The following CFAP47 variants were observed in gnomAD, a reference collection of about 807,000 sequenced individuals.
CFAP47 encodes the protein cilia- and flagella-associated protein 47.
CFAP47 carries 29 observed loss-of-function variants against 148.1 expected under a neutral mutation model. The observed-to-expected ratio is 0.20, with a 90% CI of 0.15 to 0.27. The LOEUF is 0.27. Among genes scored for constraint, CFAP47 ranks in the 10% least tolerant of loss-of-function variants. The probability of loss-of-function intolerance (pLI) is 1.00; values close to 1 mark genes in which losing one functional copy is unlikely to be tolerated. For synonymous variants in CFAP47, 664 were observed against 577.3 expected, an observed-to-expected ratio of 1.15 and a Z score of -2.15; for missense variants, 1,872 against 1,697.5, an observed-to-expected ratio of 1.10 and a Z score of -1.81.
Position 35,998,816 on chromosome X carries a change from TCC to T in CFAP47, c.3177+1428_3177+1429del, listed in dbSNP as rs1936879166. The stretch of plus-strand genomic sequence containing the variant: ...GTTTTTTGCATTACTATGGCATCCT[TCC>T]TTGAAAAATATTAGATAATATTGAG... On this transcript the variant is annotated intron_variant, in intron 19 of 63. Coordinates refer to ENST00000378653, the MANE Select transcript of CFAP47 (RefSeq NM_001304548.2). 2.7e-5 allele frequency among the ~76,000 whole-genome samples: 3 copies of T among 111,719 alleles called. No homozygotes were observed. The South Asian group carries it at 1.1e-3, about 41-fold the overall frequency.
At chrX:36,300,105 A>C (rs1479612183) in intron 52 of CFAP47, among the ~76,000 whole-genome samples, 1 of 110,709 alleles carries the variant, frequency 9.0e-6, no homozygotes, top group Non-Finnish European at 1.9e-5. Context: ...CTGTCTGCCT[A>C]CTCTGTTATC....
intron 32 of CFAP47, 32 bp downstream of exon 32, chrX:36,099,911 T>C (rs774810894): frequency 1.3e-6 from 1 of 763,586 alleles, no homozygotes; most frequent in Non-Finnish European, 2.0e-6. Context: ...GCTGCTTCTC[T>C]GTTGATTAAT....
intron 29 of CFAP47, among the ~76,000 whole-genome samples, chrX:36,075,431 T>C: frequency 9.0e-6 from 1 of 111,145 alleles, no homozygotes; most frequent in Non-Finnish European, 1.9e-5. Context: ...TTTCACTATG[T>C]TGGCCAGGCT....
At chrX:36,063,591 C>G (rs1363203620) in intron 26 of CFAP47, among the ~76,000 whole-genome samples, 2 of 111,712 alleles carry the variant, frequency 1.8e-5, no homozygotes, top group African/African-American at 6.5e-5. Flanking sequence ...CCACTTCATT[C>G]TTGGAATAAA....
chrX:36,059,383 G>C (rs911726443), intron 26 of CFAP47, among the ~76,000 whole-genome samples: 2 of 111,615 alleles, frequency 1.8e-5, no homozygotes, highest in Non-Finnish European at 3.8e-5. Context: ...GTTCCATCAG[G>C]CTGCAAATAT....
At chrX:35,923,704 C>CAGCTAAT (rs1165172966) in intron 1 of CFAP47, among the ~76,000 whole-genome samples, 6 of 108,738 alleles carry the variant, frequency 5.5e-5, no homozygotes, top group African/African-American at 2.0e-4. Flanking sequence ...CCTGTAGTCC[C>CAGCTAAT]AGCTACTCAG....
chrX:36,355,965 T>C (rs1443662740), intron 60 of CFAP47, among the ~76,000 whole-genome samples: 2 of 111,730 alleles, frequency 1.8e-5, no homozygotes, highest in African/African-American at 3.3e-5. Flanking sequence ...TCTTGTCAGG[T>C]TGTAAACTAA....
At chrX:36,242,856 C>T (rs1369836313) in intron 48 of CFAP47, among the ~76,000 whole-genome samples, 1 of 111,415 alleles carries the variant, frequency 9.0e-6, no homozygotes, top group African/African-American at 3.3e-5. Context: ...TACAAGACAA[C>T]TATCCCAAAG....
chrX:36,129,030 T>A (rs981191616), intron 33 of CFAP47, among the ~76,000 whole-genome samples: 1 of 110,159 alleles, frequency 9.1e-6, no homozygotes, highest in African/African-American at 3.3e-5. Context: ...TCTGTGTTAG[T>A]GATATTTCTT....
intron 57 of CFAP47, among the ~76,000 whole-genome samples, chrX:36,327,270 G>GC (rs1941524655): frequency 9.0e-6 from 1 of 111,135 alleles, no homozygotes; most frequent in African/African-American, 3.3e-5. Flanking sequence ...AAATCAACAA[G>GC]CCAAAAACAA....
At chrX:36,205,747 ACCTT>A (rs1286358871) in intron 45 of CFAP47, among the ~76,000 whole-genome samples, 3 of 112,203 alleles carry the variant, frequency 2.7e-5, no homozygotes, top group Non-Finnish European at 5.6e-5. Flanking sequence ...ATTCAAAATT[ACCTT>A]TCTTTTTCAT....
chrX:36,179,647 T>A (rs1361787772), intron 40 of CFAP47, among the ~76,000 whole-genome samples: 1 of 111,969 alleles, frequency 8.9e-6, no homozygotes, highest in African/African-American at 3.2e-5. Context: ...TTTTCATTAT[T>A]TGTGGTAGTT....
At chrX:36,019,223 A>G (rs1937131047) in intron 22 of CFAP47, among the ~76,000 whole-genome samples, 1 of 111,617 alleles carries the variant, frequency 9.0e-6, no homozygotes, top group South Asian at 3.8e-4. Flanking sequence ...GAGTCCTGTA[A>G]ACAGTTAAGA....
At chrX:36,258,693 C>T (rs1793015231) in intron 49 of CFAP47, among the ~76,000 whole-genome samples, 1 of 111,824 alleles carries the variant, frequency 8.9e-6, no homozygotes, top group Admixed American at 9.5e-5. Context: ...TTCCATGTTG[C>T]ATAAATAAAA....
rs1211942376 is a variant in CFAP47 at position 36,039,055 on chromosome X, C to T, written c.3883C>T (p.His1295Tyr). ...TATTCCAGTTTGCTATAAAATATTA[C>T]ATCTTACTGGGGAAGTAAAATCACC... is the stretch of plus-strand genomic sequence containing the variant. ...NYIPVCYKIL[H>Y]LTGEVKSPEL... Residue 1295 changes from histidine (H) to tyrosine (Y), a missense_variant, in exon 25 of 64, where the codon CAT becomes TAT. By Grantham distance (83) the His-to-Tyr change is moderately conservative. Coordinates refer to ENST00000378653, the MANE Select transcript of CFAP47 (RefSeq NM_001304548.2). 2.7e-6 allele frequency: 3 copies of T among 1,123,451 alleles called. No individual in the cohort carries two copies. The highest frequency in any genetic ancestry group is 6.6e-5 in the East Asian group (2 of 30,151). 92.6% of individuals were successfully genotyped at this position (1,123,451 alleles called of 1,213,427 possible).
chrX:36,252,416 C>T (rs782305699), intron 49 of CFAP47, among the ~76,000 whole-genome samples: 5 of 110,408 alleles, frequency 4.5e-5, no homozygotes, highest in African/African-American at 6.6e-5. Flanking sequence ...ATTATTACCA[C>T]TGTAATAGAA....
intron 26 of CFAP47, among the ~76,000 whole-genome samples, chrX:36,048,461 G>T (rs1467276258): frequency 1.8e-5 from 2 of 111,539 alleles, no homozygotes; most frequent in Admixed American, 1.9e-4. Flanking sequence ...CTTTTACTTT[G>T]TAAGATTCTT....
chrX:35,946,385 A>C (rs1936085735), intron 3 of CFAP47, among the ~76,000 whole-genome samples: 1 of 111,963 alleles, frequency 8.9e-6, no homozygotes, highest in Admixed American at 9.5e-5. Flanking sequence ...ATATTCACTT[A>C]AACTCTTTTG....
chrX:36,168,579 T>G (rs1410845194), intron 39 of CFAP47, among the ~76,000 whole-genome samples: 2 of 111,877 alleles, frequency 1.8e-5, no homozygotes, highest in Non-Finnish European at 3.8e-5. Context: ...GCTTATTTTT[T>G]TTTGTCTTTT....
Sources: gnomAD v4.1 joint callset for allele counts (sites outside exome capture counted in the v4.1 genomes callset) on GRCh38, gnomAD v4.1.1 for gene constraint, MANE v1.5 for transcripts, NCBI Gene and HGNC (gene_info 2026-07-23, HGNC 2026-07-21) for gene names.